NRXN3: variants seen among roughly 807,000 people sequenced by gnomAD.
NRXN3 encodes the protein neurexin 3.
In NRXN3, 32 loss-of-function variants were observed where a neutral mutation model predicts 137.6. The ratio of observed to expected loss-of-function variants is 0.23; its 90% CI spans 0.18 to 0.31. The LOEUF (loss-of-function observed/expected upper bound fraction) is 0.31. NRXN3 is among the 10% of genes least tolerant of loss of function. The probability of loss-of-function intolerance (pLI) is 1.00; values close to 1 mark genes in which losing one functional copy is unlikely to be tolerated. For missense variants in NRXN3, 1,574 were observed against 2,062.5 expected (o/e 0.76, Z 4.59); for synonymous variants, 798 against 784.5 (o/e 1.02, Z -0.29).
chr14:78,972,743 C>T (rs1410951444), intron 14 of NRXN3: 1 of 152,520 alleles, frequency 6.6e-6, no homozygotes, highest in African/African-American at 2.4e-5. Flanking sequence ...TCTGGTGAAC[C>T]TGTAGAGCAT....
chr14:79,363,321 T>C (rs775878424), intron 15 of NRXN3, among the ~76,000 whole-genome samples: 2 of 152,198 alleles, frequency 1.3e-5, no homozygotes, highest in Non-Finnish European at 2.9e-5. Context: ...TTTTTTGATA[T>C]TTCCTAGAGC....
chr14:79,531,755 C>A (rs565625437), intron 16 of NRXN3, among the ~76,000 whole-genome samples: 22 of 152,204 alleles, frequency 1.4e-4, no homozygotes, highest in Middle Eastern at 3.4e-3. Context: ...TATTTGGGAG[C>A]AGAAGTAACT....
chr14:79,476,721 G>T (rs2096562934), intron 16 of NRXN3, among the ~76,000 whole-genome samples: 1 of 152,048 alleles, frequency 6.6e-6, no homozygotes, highest in Non-Finnish European at 1.5e-5. Flanking sequence ...CAAGAACTTT[G>T]TTTACACTGT....
intron 14 of NRXN3, among the ~76,000 whole-genome samples, chr14:78,980,665 A>T (rs899697931): frequency 1.3e-5 from 2 of 152,214 alleles, no homozygotes; most frequent in Non-Finnish European, 2.9e-5. Context: ...AAGAAAAATG[A>T]TAGGAAATTT....
chr14:79,431,941 A>G (rs978257594), intron 15 of NRXN3, among the ~76,000 whole-genome samples: 2 of 152,138 alleles, frequency 1.3e-5, no homozygotes, highest in African/African-American at 4.8e-5. Context: ...TAGCTTAATA[A>G]TGGTATCCTT....
intron 4 of NRXN3, among the ~76,000 whole-genome samples, chr14:78,377,620 C>T (rs1183073969): frequency 6.6e-6 from 1 of 152,178 alleles, no homozygotes; most frequent in Non-Finnish European, 1.5e-5. Flanking sequence ...AATGTGGAAG[C>T]TGAAAGTCCA....
intron 14 of NRXN3, among the ~76,000 whole-genome samples, chr14:78,976,451 G>T (rs1249438172): frequency 2.0e-5 from 3 of 152,046 alleles, no homozygotes; most frequent in Non-Finnish European, 4.4e-5. Flanking sequence ...GAAATCTCAA[G>T]ATTCTTTAAA....
Position 79,203,320 on chromosome 14 carries a change from A to G in NRXN3, c.3262+215179A>G, listed in dbSNP as rs139302243. The stretch of plus-strand genomic sequence containing the variant: ...GCCTATTCAAAAAAGGATATTAGAT[A>G]GTTCACAGAGATATACACAACAGAC... On this transcript the variant is annotated intron_variant, in intron 15 of 20. Coordinates refer to ENST00000335750, the MANE Select transcript of NRXN3 (RefSeq NM_001330195.2). Among the ~76,000 whole-genome samples the G allele has an allele frequency of 3.4e-3, 516 of 152,332 alleles. 1 individual carries two copies. The highest frequency in any genetic ancestry group is 0.011 in the African/African-American group (464 of 41,576).
intron 6 of NRXN3, among the ~76,000 whole-genome samples, chr14:78,667,336 G>A (rs1031595057): frequency 1.1e-4 from 16 of 152,152 alleles, no homozygotes; most frequent in African/African-American, 3.9e-4. Context: ...GATCAAATGA[G>A]ATGATGCAAT....
At chr14:79,842,232 A>C (rs570124896) in intron 20 of NRXN3, among the ~76,000 whole-genome samples, 1 of 152,206 alleles carries the variant, frequency 6.6e-6, no homozygotes, top group Non-Finnish European at 1.5e-5. Flanking sequence ...ATGTAAATAC[A>C]TGGGCAAAAG....
chr14:79,179,315 A>C (rs891318977), intron 15 of NRXN3, among the ~76,000 whole-genome samples: 4 of 152,192 alleles, frequency 2.6e-5, no homozygotes, highest in Admixed American at 2.6e-4. Flanking sequence ...CCAAGATTGC[A>C]GACTATCTCA....
chr14:79,858,998 A>C (rs1490025201), intron 20 of NRXN3, among the ~76,000 whole-genome samples: 1 of 147,990 alleles, frequency 6.8e-6, no homozygotes, highest in Non-Finnish European at 1.5e-5. Context: ...AAAAAAAAAA[A>C]AACAGGTGTC....
At chr14:78,978,377 C>T (rs546558592) in intron 14 of NRXN3, among the ~76,000 whole-genome samples, 2 of 152,164 alleles carry the variant, frequency 1.3e-5, no homozygotes, top group African/African-American at 2.4e-5. Flanking sequence ...AAAATGTGAC[C>T]TAGAGTATTC....
At chr14:78,951,721 T>C (rs2099387472) in intron 10 of NRXN3, among the ~76,000 whole-genome samples, 1 of 152,118 alleles carries the variant, frequency 6.6e-6, no homozygotes, top group Admixed American at 6.6e-5. Flanking sequence ...TCCTCCACAA[T>C]GAGGATCAGA....
intron 15 of NRXN3, among the ~76,000 whole-genome samples, chr14:79,200,737 C>A (rs974549049): frequency 6.6e-6 from 1 of 151,618 alleles, no homozygotes; most frequent in African/African-American, 2.4e-5. Context: ...CTGTGTCCTG[C>A]TAACCTGTTC....
intron 4 of NRXN3, among the ~76,000 whole-genome samples, chr14:78,505,643 C>T (rs2095973180): frequency 6.6e-6 from 1 of 151,958 alleles, no homozygotes; most frequent in African/African-American, 2.4e-5. Flanking sequence ...ACATAATATT[C>T]CATAAATGTA....
At chr14:78,806,114 C>T (rs189256226) in intron 9 of NRXN3, among the ~76,000 whole-genome samples, 1 of 149,356 alleles carries the variant, frequency 6.7e-6, no homozygotes, top group East Asian at 2.0e-4. Context: ...CTGCGTTGAA[C>T]CATCTCAGGC....
intron 15 of NRXN3, among the ~76,000 whole-genome samples, chr14:79,437,528 C>G (rs1462475184): frequency 1.3e-5 from 2 of 152,074 alleles, no homozygotes; most frequent in African/African-American, 4.8e-5. Context: ...CTCAGGTAAC[C>G]AATGCAGCCA....
chr14:78,869,521 T>A (rs1002699904), intron 10 of NRXN3, among the ~76,000 whole-genome samples: 2 of 152,172 alleles, frequency 1.3e-5, no homozygotes, highest in Non-Finnish European at 2.9e-5. Flanking sequence ...CCTCCTCTCA[T>A]GATGAGCCAT....
Sources: gnomAD v4.1 joint callset for allele counts (sites outside exome capture counted in the v4.1 genomes callset) on GRCh38, gnomAD v4.1.1 for gene constraint, MANE v1.5 for transcripts, NCBI Gene and HGNC (gene_info 2026-07-23, HGNC 2026-07-21) for gene names.